CORO2B: variants seen among roughly 807,000 people sequenced by gnomAD.
CORO2B encodes coronin-2B.
Under a neutral mutation model 58.8 loss-of-function variants are expected in CORO2B, and 26 were observed. That is an observed-to-expected ratio of 0.44 (90% CI 0.32 to 0.61). The LOEUF (loss-of-function observed/expected upper bound fraction) is 0.61, where lower values mean the gene tolerates loss of function less well. CORO2B is among the 20% of genes least tolerant of loss of function. CORO2B has a pLI of 0.04. For missense variants in CORO2B, 460 were observed against 645.1 expected (o/e 0.71, Z 3.11); for synonymous variants, 242 against 253.8 (o/e 0.95, Z 0.44).
the CORO2B span, among the ~76,000 whole-genome samples, chr15:68,546,365 G>A: frequency 6.6e-6 from 1 of 152,168 alleles, no homozygotes; most frequent in African/African-American, 2.4e-5. Flanking sequence ...GATGTGTGTG[G>A]AATGAGTGTC....
At chr15:68,670,028 G>C (rs1011258366) in intron 2 of CORO2B, among the ~76,000 whole-genome samples, 1 of 150,046 alleles carries the variant, frequency 6.7e-6, no homozygotes, top group African/African-American at 2.4e-5. Flanking sequence ...CTGCACTCTA[G>C]CCTGGGTGAC....
chr15:68,551,994 G>A, the CORO2B span, among the ~76,000 whole-genome samples: 9 of 152,152 alleles, frequency 5.9e-5, no homozygotes, highest in East Asian at 1.9e-4. Context: ...CAGGGAGCAC[G>A]GAGATGCCTG....
intron 1 of CORO2B, 53 bp downstream of exon 1, chr15:68,579,330 G>A (rs1434963835): frequency 3.6e-5 from 45 of 1,245,956 alleles, no homozygotes; most frequent in South Asian, 3.5e-4. Context: ...TGCATCCCCC[G>A]GGCTAGGCTG....
chr15:68,598,009 T>A (rs1352194439), intron 1 of CORO2B, among the ~76,000 whole-genome samples: 1 of 152,186 alleles, frequency 6.6e-6, no homozygotes, highest in Non-Finnish European at 1.5e-5. Context: ...GGCCACACAG[T>A]CAAGAGTGAT....
At chr15:68,660,794 G>T (rs561244741) in intron 2 of CORO2B, among the ~76,000 whole-genome samples, 6 of 152,138 alleles carry the variant, frequency 3.9e-5, no homozygotes, top group African/African-American at 1.4e-4. Flanking sequence ...TCTGGACACC[G>T]TTTTCTCCAG....
chr15:68,537,446 A>G, the CORO2B span, among the ~76,000 whole-genome samples: 1 of 152,196 alleles, frequency 6.6e-6, no homozygotes, highest in Non-Finnish European at 1.5e-5. Flanking sequence ...AGTAGGTCAG[A>G]CTAGCCCACT....
At chr15:68,684,425 A>G (rs1902893728) in intron 2 of CORO2B, among the ~76,000 whole-genome samples, 1 of 152,236 alleles carries the variant, frequency 6.6e-6, no homozygotes, top group Non-Finnish European at 1.5e-5. Context: ...ATGGAGGGAG[A>G]GAAAGAACAC....
intron 1 of CORO2B, among the ~76,000 whole-genome samples, chr15:68,604,254 C>A (rs953353287): frequency 7.9e-5 from 12 of 152,092 alleles, no homozygotes; most frequent in African/African-American, 2.9e-4. Flanking sequence ...GTTTTTGGGA[C>A]CTTCCTGAGA....
At chr15:68,525,179 A>G in the CORO2B span, among the ~76,000 whole-genome samples, 3 of 152,222 alleles carry the variant, frequency 2.0e-5, no homozygotes, top group Admixed American at 2.0e-4. Flanking sequence ...GACATCATAT[A>G]ACAGTTAATG....
At chr15:68,622,030 C>T (rs890626850) in intron 1 of CORO2B, among the ~76,000 whole-genome samples, 21 of 152,122 alleles carry the variant, frequency 1.4e-4, no homozygotes, top group Admixed American at 8.5e-4. Context: ...AGTGATCTCC[C>T]GATCCAAAGT....
chr15:68,676,781 T>A (rs185944130), intron 2 of CORO2B, among the ~76,000 whole-genome samples: 83 of 152,148 alleles, frequency 5.5e-4, no homozygotes, highest in African/African-American at 1.5e-3. Flanking sequence ...CTGGATTATT[T>A]TTTTTTTTAA....
intron 1 of CORO2B, among the ~76,000 whole-genome samples, chr15:68,624,317 C>A (rs535426254): frequency 1.3e-5 from 2 of 152,242 alleles, no homozygotes; most frequent in African/African-American, 4.8e-5. Flanking sequence ...GAGTTTGAGG[C>A]TGCAGTAAGC....
intron 1 of CORO2B, among the ~76,000 whole-genome samples, chr15:68,615,213 C>T (rs1566985704): frequency 6.6e-6 from 1 of 152,190 alleles, no homozygotes; most frequent in Non-Finnish European, 1.5e-5. Context: ...TTAACTGGGT[C>T]TCTCTGACTA....
intron 2 of CORO2B, among the ~76,000 whole-genome samples, chr15:68,653,624 C>G (rs1489994151): frequency 1.3e-5 from 2 of 152,212 alleles, no homozygotes; most frequent in Non-Finnish European, 2.9e-5. Flanking sequence ...CTGGTCTTAA[C>G]TCTGGAGCTG....
chr15:68,597,671 G>A (rs1899874301), intron 1 of CORO2B, among the ~76,000 whole-genome samples: 1 of 151,422 alleles, frequency 6.6e-6, no homozygotes, highest in African/African-American at 2.4e-5. Context: ...AAGACCAAAC[G>A]AACAAAATCC....
chr15:68,639,153 G>T (rs1901127662), intron 1 of CORO2B, among the ~76,000 whole-genome samples: 1 of 152,196 alleles, frequency 6.6e-6, no homozygotes, highest in Non-Finnish European at 1.5e-5. Flanking sequence ...TCACAGCCTT[G>T]GGGTGAGGTT....
At chr15:68,531,837 G>A in the CORO2B span, among the ~76,000 whole-genome samples, 1 of 150,410 alleles carries the variant, frequency 6.6e-6, no homozygotes, top group Non-Finnish European at 1.5e-5. Context: ...TCAGAGTGTA[G>A]GTCTACCAGG....
intron 9 of CORO2B, 122 bp downstream of exon 9, chr15:68,718,932 C>T (rs113160567): frequency 6.4e-6 from 6 of 936,772 alleles, no homozygotes; most frequent in African/African-American, 1.6e-5. Flanking sequence ...GGTCTTCAAA[C>T]CTAATTTGGG....
At chr15:68,648,767 G>C (rs1901539652) in intron 2 of CORO2B, among the ~76,000 whole-genome samples, 1 of 152,222 alleles carries the variant, frequency 6.6e-6, no homozygotes, top group Admixed American at 6.5e-5. Context: ...AGATTTAAAA[G>C]AGTAATAATC....
Sources: allele counts gnomAD v4.1 joint callset (sites outside exome capture counted in the v4.1 genomes callset), GRCh38; gene constraint gnomAD v4.1.1; transcripts MANE v1.5; gene names NCBI Gene and HGNC (gene_info 2026-07-23, HGNC 2026-07-21).